COL2A1: variants seen among roughly 807,000 people sequenced by gnomAD.
The protein encoded by COL2A1 is collagen type II alpha 1 chain, also known as collagen alpha-1(II) chain.
Under a neutral mutation model 204.5 loss-of-function variants are expected in COL2A1, and 28 were observed. That is an observed-to-expected ratio of 0.14 (90% CI 0.10 to 0.19). The LOEUF (loss-of-function observed/expected upper bound fraction) is 0.19. Among genes scored for constraint, COL2A1 ranks in the 10% least tolerant of loss-of-function variants. The pLI, the probability that COL2A1 is intolerant of heterozygous loss-of-function variation, is 1.00. For missense variants in COL2A1, 1,388 were observed against 2,027.5 expected (o/e 0.68, Z 6.06); for synonymous variants, 708 against 718.7 (o/e 0.99, Z 0.24).
rs1241797563 is a variant in COL2A1, at chr12:47,973,194, A to G, written c.*213T>C. The G allele has an allele frequency of 1.5e-6, 1 of 662,334 alleles. No homozygotes were observed. Among genetic ancestry groups the G allele is most frequent in the Admixed American group, 2.3e-5 (1 of 42,796 alleles). The allele number at this position is 662,334 out of a possible 1,614,324, so 41.0% of individuals were successfully genotyped here. A position where few individuals can be genotyped will look rare whatever the true frequency, so the allele number is the denominator to read the frequency against. The stretch of plus-strand genomic sequence containing the variant: ...CCCGAAGGTCTTACAGGAAGACAAT[A>G]AATAAATAGAACACCGAGATTTTAT... On this transcript the variant is annotated 3_prime_UTR_variant, in exon 54 of 54. Coordinates refer to ENST00000380518, the MANE Select transcript of COL2A1 (RefSeq NM_001844.5).
In COL2A1 at chr12:47,982,949, G is replaced by A. The variant is rs918724927; in HGVS notation, c.2095-3C>T. 2 of 1,613,642 alleles carry A rather than the reference G, an allele frequency of 1.2e-6. No individual in the cohort carries two copies. Among genetic ancestry groups the A allele is most frequent in the South Asian group, 2.2e-5 (2 of 91,068 alleles). On this transcript the variant is annotated splice_polypyrimidine_tract_variant and splice_region_variant and intron_variant, in intron 32 of 53. Coordinates refer to ENST00000380518, the MANE Select transcript of COL2A1 (RefSeq NM_001844.5). ...TCACCTGGGAAACCTCGTTCACCCT[G>A]CGGCAGAGACACCAAGAAGTGATCA...
chr12:47,995,635 G>T, intron 10 of COL2A1, 75 bp downstream of exon 10: 1 of 1,412,260 alleles, frequency 7.1e-7, no homozygotes, highest in South Asian at 1.1e-5. Flanking sequence ...GCCTGGGAGG[G>T]ACAGCAGCTG....
Position 47,980,511 on chromosome 12 carries a change from C to A in COL2A1, c.2625+43G>T, listed in dbSNP as rs753696115. ...GGCCTTCCCATCTGCACGCCAGGAG[C>A]CCTTCCTTGAGGGAACAATTCTTGG... On this transcript the variant is annotated intron_variant, in intron 39 of 53. Coordinates refer to ENST00000380518, the MANE Select transcript of COL2A1 (RefSeq NM_001844.5). The surrounding 1 kb of genome is among the most constrained non-coding windows in gnomAD (Gnocchi z 4.5). The A allele has an allele frequency of 5.2e-6, 8 of 1,524,324 alleles. No individual in the cohort carries two copies. The highest frequency in any genetic ancestry group is 7.2e-6 in the Non-Finnish European group (8 of 1,117,620). 94.4% of individuals were successfully genotyped at this position (1,524,324 alleles called of 1,614,324 possible). A position where few individuals can be genotyped will look rare whatever the true frequency, so the allele number is the denominator to read the frequency against.
intron 1 of COL2A1, among the ~76,000 whole-genome samples, chr12:48,001,633 G>T (rs1363753107): frequency 1.3e-5 from 2 of 152,220 alleles, no homozygotes; most frequent in African/African-American, 2.4e-5. Flanking sequence ...AAGCGCCGGC[G>T]CAGGGGCGGG....
At position 47,979,533 on chromosome 12, in the gene COL2A1, C is replaced by T. The variant is rs201544025; in HGVS notation, c.2711G>A (p.Arg904His). The change falls in exon 41 of 54, where the codon CGC (arginine) becomes CAC (histidine). Residue 904 changes from arginine to histidine, a missense_variant. By Grantham distance (29) the Arg-to-His change is conservative. Coordinates refer to ENST00000380518, the MANE Select transcript of COL2A1 (RefSeq NM_001844.5). Reference protein sequence around the residue: ...GATGFPGAAGRVGPPGSNGNP... With the variant: ...GATGFPGAAGHVGPPGSNGNP... ...TACATTGGAGCCTGGGGGTCCAACG[C>T]GGCCAGCAGCTCCAGGGAATCCAGT... 3.9e-5 allele frequency: 63 copies of T among 1,613,486 alleles called. No individual in the cohort carries two copies. The highest frequency in any genetic ancestry group is 6.7e-5 in the African/African-American group (5 of 74,960).
intron 18 of COL2A1, 117 bp downstream of exon 18, chr12:47,989,111 G>T: frequency 2.4e-6 from 2 of 844,708 alleles, no homozygotes; most frequent in Middle Eastern, 5.6e-4. Flanking sequence ...TGGGGTGGTG[G>T]GGAGCTACTT....
In COL2A1 at chr12:47,985,961, G is replaced by A; in HGVS notation, c.1532C>T (p.Ala511Val). Residue 511 changes from alanine (A) to valine (V), a missense_variant, in exon 24 of 54, where the codon GCT becomes GTT. Ala to Val is a moderately conservative substitution (Grantham distance 64). Coordinates refer to ENST00000380518, the MANE Select transcript of COL2A1 (RefSeq NM_001844.5). ...ACCTGGGAAACCGCGGTTGCCGGGA[G>A]CACCCTAAGGAGCCACAGGGAGGAG... ...GPIGPPGERG[A>V]PGNRGFPGQD... The A allele has an allele frequency of 6.4e-7, 1 of 1,551,624 alleles. No individual in the cohort carries two copies. The highest frequency in any genetic ancestry group is 8.7e-7 in the Non-Finnish European group (1 of 1,147,000).
At chr12:47,996,846 G>A (rs1939989233) in intron 7 of COL2A1, among the ~76,000 whole-genome samples, 1 of 152,236 alleles carries the variant, frequency 6.6e-6, no homozygotes, top group African/African-American at 2.4e-5. Context: ...AAGGGAAAGT[G>A]TTATTTGAGG....
At chr12:47,981,660 C>A in intron 36 of COL2A1, 116 bp downstream of exon 36, 2 of 1,259,960 alleles carry the variant, frequency 1.6e-6, no homozygotes, top group Non-Finnish European at 2.3e-6. Flanking sequence ...ACTCCTACGG[C>A]CTTGGCCGAG....
chr12:47,977,421 G>A lies in COL2A1; in HGVS notation c.3172C>T (p.Arg1058Cys), dbSNP rs148350640. Reference protein sequence around the residue: ...RDGAAGVKGDRGETGAVGAPG... With the variant: ...RDGAAGVKGDCGETGAVGAPG... ...GCTCCCACAGCACCAGTCTCACCACGATCACCCTGTCAGGAGAGAGGTCTC... is the reference window on the plus strand; with the variant it reads ...GCTCCCACAGCACCAGTCTCACCACAATCACCCTGTCAGGAGAGAGGTCTC... The change falls in exon 46 of 54, where the codon CGT (arginine) becomes TGT (cysteine). Residue 1058 changes from arginine to cysteine, a missense_variant. Physicochemically the swap from Arg to Cys is radical, Grantham distance 180 (BLOSUM62 -3). This residue lies in a region of COL2A1 where 884 missense variants were observed against 1,415.8 expected (regional missense o/e 0.62). Coordinates refer to ENST00000380518, the MANE Select transcript of COL2A1 (RefSeq NM_001844.5). 1.7e-5 allele frequency: 28 copies of A among 1,612,210 alleles called. No homozygotes were observed. Among genetic ancestry groups the A allele is most frequent in the African/African-American group, 1.5e-4 (11 of 74,878 alleles).
chr12:47,993,600 G>A (rs907945296), intron 14 of COL2A1, 98 bp from the exon 15 acceptor site: 38 of 1,200,660 alleles, frequency 3.2e-5, no homozygotes, highest in African/African-American at 2.2e-4. Context: ...ATCTCAGCTC[G>A]CACTGACACA....
chr12:47,982,041 C>A (rs112951122), intron 35 of COL2A1, 66 bp downstream of exon 35: 2 of 1,533,594 alleles, frequency 1.3e-6, no homozygotes, highest in Admixed American at 1.7e-5. Flanking sequence ...AGCCCTCTCT[C>A]CTGCTCTCCT....
chr12:48,004,184 G>T, intron 1 of COL2A1, 53 bp downstream of exon 1: 1 of 1,309,986 alleles, frequency 7.6e-7, no homozygotes, highest in Non-Finnish European at 1.1e-6. Flanking sequence ...GGAGAAGGAT[G>T]CTGAGGGACG....
Position 47,987,581 on chromosome 12 carries a change from C to A in COL2A1, c.1221+30G>T, listed in dbSNP as rs1219158983. The A allele has an allele frequency of 3.2e-6, 5 of 1,574,572 alleles. No homozygotes were observed. The highest frequency in any genetic ancestry group is 1.7e-4 in the Middle Eastern group (1 of 5,900). ...AGTTCCAAAGCCACAGACCCCAGACCCCCCCAGGCCAAAGAGAAGCTGCAC... is the reference window on the plus strand; with the variant it reads ...AGTTCCAAAGCCACAGACCCCAGACACCCCCAGGCCAAAGAGAAGCTGCAC... On this transcript the variant is annotated intron_variant, in intron 19 of 53. Coordinates refer to ENST00000380518, the MANE Select transcript of COL2A1 (RefSeq NM_001844.5). This position sits in a 1 kb window ranked among gnomAD's most constrained non-coding sequence, Gnocchi z 4.1.
chr12:47,996,538 C>G lies in COL2A1; in HGVS notation c.609+10G>C. The G allele has an allele frequency of 6.2e-7, 1 of 1,613,322 alleles. No individual in the cohort carries two copies. Among genetic ancestry groups the G allele is most frequent in the Non-Finnish European group, 8.5e-7 (1 of 1,179,236 alleles). On this transcript the variant is annotated intron_variant, in intron 8 of 53. Coordinates refer to ENST00000380518, the MANE Select transcript of COL2A1 (RefSeq NM_001844.5). ...CATTTTGGCTGCAAAGAACTAGTGT[C>G]TTTTCTTACCATTGGTCCTTGCATT...
At position 48,003,997 on chromosome 12, in the gene COL2A1, G is replaced by A. The variant is rs77534899; in HGVS notation, c.85+240C>T. The A allele has an allele frequency of 6.6e-3, 3,608 of 547,170 alleles. 27 individuals are homozygous for A. Among genetic ancestry groups the A allele is most frequent in the Non-Finnish European group, 8.1e-3 (2,463 of 302,800 alleles). 33.9% of individuals were successfully genotyped at this position (547,170 alleles called of 1,614,324 possible). On this transcript the variant is annotated intron_variant, in intron 1 of 53. Coordinates refer to ENST00000380518, the MANE Select transcript of COL2A1 (RefSeq NM_001844.5). ...TGCAAGTTCAGTATTCTAGCGCAAC[G>A]TAGGGACCTGCAAATACTTGCAACT...
At position 47,987,101 on chromosome 12, in the gene COL2A1, G is replaced by A. The variant is rs923610032; in HGVS notation, c.1342C>T (p.Pro448Ser). The change falls in exon 21 of 54, where the codon CCT becomes TCT. Residue 448 changes from proline to serine, a missense_variant. Pro to Ser is a moderately conservative substitution (Grantham distance 74, BLOSUM62 -1). Coordinates refer to ENST00000380518, the MANE Select transcript of COL2A1 (RefSeq NM_001844.5). The surrounding 1 kb of genome is among the most constrained non-coding windows in gnomAD (Gnocchi z 4.1). ...GPPGPQGATG[P>S]LGPKGQTGEP... ...ACCGTCTGACCTTTCGGGCCCAGAG[G>A]ACCAGTTGCACCTTGAGGGCCAGGA... 6.2e-7 allele frequency: 1 copy of A among 1,614,026 alleles called. No homozygotes were observed. Among genetic ancestry groups the A allele is most frequent in the African/African-American group, 1.3e-5 (1 of 74,910 alleles).
rs1390910031 is a variant in COL2A1, at chr12:47,980,304, C to A, written c.2626-242G>T. ...CTGGGGTCTGGCCTCCCGGGAAGCT[C>A]TTCCTGCCACCGCCCCCTCCTCCCC... On this transcript the variant is annotated intron_variant, in intron 39 of 53. Coordinates refer to ENST00000380518, the MANE Select transcript of COL2A1 (RefSeq NM_001844.5). This position sits in a 1 kb window ranked among gnomAD's most constrained non-coding sequence, Gnocchi z 4.5. 6.6e-6 allele frequency among the ~76,000 whole-genome samples: 1 copy of A among 152,212 alleles called. No individual in the cohort carries two copies. The highest frequency in any genetic ancestry group is 2.4e-5 in the African/African-American group (1 of 41,458).
chr12:47,997,161 C>T (rs988782465), intron 7 of COL2A1, among the ~76,000 whole-genome samples: 17 of 152,240 alleles, frequency 1.1e-4, no homozygotes, highest in African/African-American at 4.1e-4. Context: ...CCAGAATTGA[C>T]TTTAGCCACA....
Sources: gnomAD v4.1 joint callset for allele counts (sites outside exome capture counted in the v4.1 genomes callset) on GRCh38, gnomAD v4.1.1 for gene constraint, gnomAD v4.1.1 regional missense constraint, Gnocchi (gnomAD v3.1) non-coding constraint, MANE v1.5 for transcripts, NCBI Gene and HGNC (gene_info 2026-07-23, HGNC 2026-07-21) for gene names.